ATRX: variants seen among roughly 807,000 people sequenced by gnomAD.
ATRX encodes the protein ATRX chromatin remodeler, also known as chromatin remodeler ATRX.
ATRX carries 12 observed loss-of-function variants against 172.6 expected under a neutral mutation model. The observed-to-expected ratio is 0.07, with a 90% CI of 0.04 to 0.11. ATRX has a LOEUF of 0.11. Among genes scored for constraint, ATRX ranks in the 10% least tolerant of loss-of-function variants. The probability of loss-of-function intolerance (pLI) is 1.00; values close to 1 mark genes in which losing one functional copy is unlikely to be tolerated. For synonymous variants in ATRX, 674 were observed against 594.7 expected (o/e 1.13, Z -1.94); for missense variants, 1,368 against 1,767.4 (o/e 0.77, Z 4.05).
rs1336943467 is a variant in ATRX at position 77,506,959 on chromosome X, T to C, written c.*1392A>G. ...AGCTGTTTCACTACCTGTTGTATCA[T>C]CATCTCAAAAATGGTTCTGCCATGT... On this transcript the variant is annotated 3_prime_UTR_variant, in exon 35 of 35. Transcript: ENST00000373344. 7.6e-6 allele frequency: 1 copy of C among 132,118 alleles called. No individual in the cohort carries two copies. The highest frequency in any genetic ancestry group is 1.4e-5 in the Non-Finnish European group (1 of 70,125). 10.9% of individuals were successfully genotyped at this position (132,118 alleles called of 1,213,427 possible).
chrX:77,779,010 C>T (rs782216651), intron 1 of ATRX, among the ~76,000 whole-genome samples: 1 of 107,512 alleles, frequency 9.3e-6, no homozygotes, highest in Non-Finnish European at 1.9e-5. Context: ...CCACTGCAAG[C>T]TCCGCCTCCC....
chrX:77,714,619 G>A (rs1331002761), intron 2 of ATRX, among the ~76,000 whole-genome samples: 1 of 111,630 alleles, frequency 9.0e-6, no homozygotes, highest in African/African-American at 3.3e-5. Flanking sequence ...GTAACAGGAT[G>A]CATGGAGAAC....
rs1467783165 is a variant in ATRX, at chrX:77,620,307, A to G, written c.5272+88T>C. The G allele has an allele frequency of 7.0e-6, 7 of 1,003,087 alleles. No homozygotes were observed. In the East Asian group the frequency reaches 1.9e-4, roughly 27 times the overall value. The allele number at this position is 1,003,087 out of a possible 1,213,427, so 82.7% of individuals were successfully genotyped here. ...TCATGGTCTAGGACTATACTAGAAT[A>G]AGTAGAAGAAAGGTAAATGGTAACG... On this transcript the variant is annotated intron_variant, in intron 20 of 34. Transcript: ENST00000373344.
At chrX:77,644,746 A>G (rs1349266975) in intron 15 of ATRX, among the ~76,000 whole-genome samples, 1 of 111,165 alleles carries the variant, frequency 9.0e-6, no homozygotes, top group African/African-American at 3.3e-5. Flanking sequence ...GTGAAGAAAC[A>G]AAAAGGGATG....
intron 22 of ATRX, among the ~76,000 whole-genome samples, chrX:77,611,274 T>TG (rs2067142078): frequency 9.0e-6 from 1 of 111,457 alleles, no homozygotes; most frequent in Non-Finnish European, 1.9e-5. Context: ...CCATTTCCTT[T>TG]GGAAAAAAGC....
chrX:77,518,459 G>A (rs1290446268), intron 34 of ATRX, among the ~76,000 whole-genome samples: 1 of 111,646 alleles, frequency 9.0e-6, no homozygotes, highest in Non-Finnish European at 1.9e-5. Flanking sequence ...AGAAGTGAAA[G>A]ATGTCTACAA....
In ATRX at chrX:77,722,002, G is replaced by A. The variant is rs1269322313; in HGVS notation, c.21-4759C>T. Among the ~76,000 whole-genome samples, 5 of 111,078 alleles carry A rather than the reference G, an allele frequency of 4.5e-5. No individual in the cohort carries two copies. The East Asian group carries it at 1.4e-3, about 31-fold the overall frequency. On this transcript the variant is annotated intron_variant, in intron 1 of 34. Coordinates refer to ENST00000373344, the MANE Select transcript of ATRX (RefSeq NM_000489.6). ...ATATAGAACAATGGAACAGAACCGA[G>A]GCCTCAGAAATAACACCACATATCT...
intron 18 of ATRX, 60 bp from the exon 19 acceptor site, chrX:77,633,444 A>G (rs936352889): frequency 3.5e-6 from 4 of 1,141,571 alleles, no homozygotes; most frequent in Non-Finnish European, 4.7e-6. Flanking sequence ...AATATTAAAT[A>G]TTCCCACTGA....
chrX:77,507,413 A>C lies in ATRX; in HGVS notation c.*938T>G. 5.7e-6 allele frequency: 1 copy of C among 174,401 alleles called. No homozygotes were observed. The highest frequency in any genetic ancestry group is 1.1e-5 in the Non-Finnish European group (1 of 90,670). 14.4% of individuals were successfully genotyped at this position (174,401 alleles called of 1,213,427 possible). On this transcript the variant is annotated 3_prime_UTR_variant, in exon 35 of 35. Coordinates refer to ENST00000373344, the MANE Select transcript of ATRX (RefSeq NM_000489.6). ...ATGTTGTTTATAAAACAGGGTGTGA[A>C]CCTAACAACCACAACTTCAGTGTTA... is the stretch of plus-strand genomic sequence containing the variant.
intron 1 of ATRX, among the ~76,000 whole-genome samples, chrX:77,759,725 A>C (rs1369843274): frequency 9.0e-6 from 1 of 111,448 alleles, no homozygotes; most frequent in Non-Finnish European, 1.9e-5. Context: ...AAAAATAAAA[A>C]TAAAAATAAA....
chrX:77,556,315 G>A (rs1281572376), intron 30 of ATRX, among the ~76,000 whole-genome samples: 1 of 64,361 alleles, frequency 1.6e-5, no homozygotes, highest in African/African-American at 6.2e-5. Flanking sequence ...GAGGGGAAGA[G>A]GGAGAGGGAG....
chrX:77,666,511 C>G (rs1181333675), intron 10 of ATRX, among the ~76,000 whole-genome samples: 2 of 111,922 alleles, frequency 1.8e-5, no homozygotes, highest in African/African-American at 3.2e-5. Flanking sequence ...AAAGGGAAAC[C>G]CTTTAAATTG....
chrX:77,716,431 C>A (rs1238845923), intron 2 of ATRX, among the ~76,000 whole-genome samples: 1 of 102,635 alleles, frequency 9.7e-6, no homozygotes, highest in Non-Finnish European at 2.0e-5. Context: ...CAAATCTACT[C>A]AGGGATATTA....
chrX:77,518,213 A>C (rs1557039857), intron 34 of ATRX, among the ~76,000 whole-genome samples: 4 of 112,233 alleles, frequency 3.6e-5, no homozygotes, highest in African/African-American at 1.3e-4. Context: ...CCCAGTTGGA[A>C]AAGAAGAAGT....
intron 30 of ATRX, among the ~76,000 whole-genome samples, chrX:77,543,482 C>A (rs2064098800): frequency 1.8e-5 from 2 of 112,142 alleles, no homozygotes; most frequent in African/African-American, 6.5e-5. Flanking sequence ...GATTATAAAT[C>A]ATTCTACTAT....
rs1319481237 is a variant in ATRX at position 77,683,004 on chromosome X, T to C, written c.2252A>G (p.Asp751Gly). 8.3e-7 allele frequency: 1 copy of C among 1,208,936 alleles called. No individual in the cohort carries two copies. The highest frequency in any genetic ancestry group is 1.1e-6 in the Non-Finnish European group (1 of 894,665). ...VSRMSHSSSSDTDINEIHTNH... is the reference protein window; with the variant it reads ...VSRMSHSSSSGTDINEIHTNH... ...TGTATGAATTTCATTAATATCAGTA[T>C]CTGAAGAAGAACTGTGACTCATCCT... The change falls in exon 9 of 35, where the codon GAT becomes GGT. Residue 751 changes from aspartate to glycine, a missense_variant. Asp to Gly is a moderately conservative substitution (Grantham distance 94). Transcript: ENST00000373344.
intron 19 of ATRX, among the ~76,000 whole-genome samples, chrX:77,626,513 A>C (rs1386923198): frequency 9.0e-6 from 1 of 111,584 alleles, no homozygotes; most frequent in Non-Finnish European, 1.9e-5. Flanking sequence ...ACTAAATAAA[A>C]AGGAGTGTGT....
intron 1 of ATRX, among the ~76,000 whole-genome samples, chrX:77,741,609 G>A (rs1489951880): frequency 4.5e-5 from 5 of 110,344 alleles, no homozygotes; most frequent in Non-Finnish European, 7.6e-5. Context: ...CTACAGGTGC[G>A]CGCCACCATG....
chrX:77,779,732 T>C (rs941858712), intron 1 of ATRX, among the ~76,000 whole-genome samples: 1 of 112,398 alleles, frequency 8.9e-6, no homozygotes, highest in Non-Finnish European at 1.9e-5. Flanking sequence ...CTTAAGTATT[T>C]GATCAACTAA....
Sources: gnomAD v4.1 joint callset for allele counts (sites outside exome capture counted in the v4.1 genomes callset) on GRCh38, gnomAD v4.1.1 for gene constraint, MANE v1.5 for transcripts, NCBI Gene and HGNC (gene_info 2026-07-23, HGNC 2026-07-21) for gene names.